The following BSG variants were observed in gnomAD, a reference collection of about 807,000 sequenced individuals.
The protein encoded by BSG is basigin.
BSG carries 37 observed loss-of-function variants against 43.1 expected under a neutral mutation model. That is an observed-to-expected ratio of 0.86 (90% CI 0.66 to 1.13). The LOEUF (loss-of-function observed/expected upper bound fraction) is 1.13. Ranked by LOEUF, BSG falls within the 50% of genes most tolerant of loss-of-function variation. The pLI, the probability that BSG is intolerant of heterozygous loss-of-function variation, is 0.00. For synonymous variants in BSG, 309 were observed against 238.7 expected (o/e 1.29, Z -2.72); for missense variants, 599 against 554.2 (o/e 1.08, Z -0.81).
At position 572,648 on chromosome 19, in the gene BSG, T is replaced by A. The variant is rs914485079; in HGVS notation, c.14T>A (p.Leu5Gln). 3 of 1,504,690 alleles carry A rather than the reference T, an allele frequency of 2.0e-6. No homozygotes were observed. In the Admixed American group the frequency reaches 6.6e-5, roughly 33 times the overall value. The allele number at this position is 1,504,690 out of a possible 1,614,324, so 93.2% of individuals were successfully genotyped here. Residue 5 changes from leucine (L) to glutamine (Q), a missense_variant, in exon 1 of 9, where the codon CTG becomes CAG. By Grantham distance (113) the Leu-to-Gln change is moderately radical. Transcript: ENST00000333511. Reference sequence around the variant, plus strand: ...GGAATAGGAATCATGGCGGCTGCGCTGTTCGTGCTGCTGGGATTCGCGCTG... The same window carrying A: ...GGAATAGGAATCATGGCGGCTGCGCAGTTCGTGCTGCTGGGATTCGCGCTG... MAAA[L>Q]FVLLGFALLG...
chr19:573,321 C>T (rs1396484358), intron 1 of BSG, among the ~76,000 whole-genome samples: 1 of 152,098 alleles, frequency 6.6e-6, no homozygotes, highest in African/African-American at 2.4e-5. Flanking sequence ...GGGTCAGAGA[C>T]CCTCCCCTGA....
intron 1 of BSG, among the ~76,000 whole-genome samples, chr19:577,061 C>T (rs185382187): frequency 2.3e-4 from 35 of 152,166 alleles, no homozygotes; most frequent in Non-Finnish European, 4.4e-4. Context: ...GCACTCCCCA[C>T]GCTTCCCCTT....
chr19:581,236 TCCCGGACTCAGCCC>T lies in BSG; in HGVS notation c.793-78_793-65del, dbSNP rs561243171. ...CTGGGTGAGGGGCCTAGACTGGGGG[TCCCGGACTCAGCCC>T]TCAGGACTGGGTGAGGGGCCTAGAC... On this transcript the variant is annotated intron_variant, in intron 5 of 8. Coordinates refer to ENST00000333511, the MANE Select transcript of BSG (RefSeq NM_001728.4). 47 of 1,334,900 alleles carry T rather than the reference TCCCGGACTCAGCCC, an allele frequency of 3.5e-5. 5 individuals are homozygous for T. In the African/African-American group the frequency reaches 8.6e-4, roughly 24 times the overall value. The allele number at this position is 1,334,900 out of a possible 1,614,324, so 82.7% of individuals were successfully genotyped here.
At position 577,901 on chromosome 19, in the gene BSG, C is replaced by T; in HGVS notation, c.195C>T (p.Asp65=). Residue 65 remains aspartate (D), a synonymous_variant, in exon 2 of 9, where the codon GAC becomes GAT. Transcript: ENST00000333511. ...GGTTTGAAGGGCAGGGTCCCAACGA[C>T]ACCTGCTCCCAGCTCTGGGACGGCG... ...QWWFEGQGPN[D]TCSQLWDGAR... The T allele has an allele frequency of 6.3e-7, 1 of 1,597,302 alleles. No individual in the cohort carries two copies. Among genetic ancestry groups the T allele is most frequent in the Non-Finnish European group, 8.6e-7 (1 of 1,169,134 alleles).
Position 574,484 on chromosome 19 carries a change from C to T in BSG, c.67+1783C>T, listed in dbSNP as rs554135380. ...AGGAGAATGGTGTGAACCAGGGAGGCGGAGCTTGCAGTGAGCCGAGATCGC... is the reference window on the plus strand; with the variant it reads ...AGGAGAATGGTGTGAACCAGGGAGGTGGAGCTTGCAGTGAGCCGAGATCGC... On this transcript the variant is annotated intron_variant, in intron 1 of 8. Transcript: ENST00000333511. Among the ~76,000 whole-genome samples the T allele has an allele frequency of 1.1e-4, 17 of 150,902 alleles. No individual in the cohort carries two copies. In the East Asian group the frequency reaches 3.3e-3, roughly 30 times the overall value.
chr19:575,991 A>G (rs1331485551), intron 1 of BSG, among the ~76,000 whole-genome samples: 2 of 152,124 alleles, frequency 1.3e-5, no homozygotes. Flanking sequence ...CAGCATCATC[A>G]GCATCCGGAG....
Position 581,350 on chromosome 19 carries a change from G to T in BSG, c.828G>T (p.Val276=). 1 of 1,612,762 alleles carries T rather than the reference G, an allele frequency of 6.2e-7. No individual in the cohort carries two copies. The highest frequency in any genetic ancestry group is 8.5e-7 in the Non-Finnish European group (1 of 1,179,872). ...LMNGSESRFF[V]SSSQGRSELH... is the part of the protein sequence containing the mutation. Reference sequence around the variant, plus strand: ...ACGGCTCCGAGAGCAGGTTCTTCGTGAGTTCCTCGCAGGGCCGGTCAGAGC... The same window carrying T: ...ACGGCTCCGAGAGCAGGTTCTTCGTTAGTTCCTCGCAGGGCCGGTCAGAGC... Residue 276 remains valine, a synonymous_variant, in exon 6 of 9, where the codon GTG becomes GTT. Coordinates refer to ENST00000333511, the MANE Select transcript of BSG (RefSeq NM_001728.4).
intron 5 of BSG, among the ~76,000 whole-genome samples, 172 bp from the exon 6 acceptor site, chr19:581,143 G>A (rs1205314346): frequency 9.7e-6 from 1 of 103,298 alleles, no homozygotes; most frequent in Non-Finnish European, 1.9e-5. Context: ...TAGACTGGGG[G>A]TCCCGGACCC....
chr19:580,302 G>C (rs1982168841), intron 3 of BSG, 77 bp from the exon 4 acceptor site: 4 of 1,356,388 alleles, frequency 2.9e-6, no homozygotes, highest in Non-Finnish European at 4.1e-6. Context: ...GCCGTGGTTG[G>C]GCCCCTGGAG....
At chr19:578,421 G>A (rs1981977903) in intron 2 of BSG, among the ~76,000 whole-genome samples, 1 of 152,368 alleles carries the variant, frequency 6.6e-6, no homozygotes, top group East Asian at 1.9e-4. Flanking sequence ...CCGGGCGCCT[G>A]CCCGGCTCCC....
At chr19:572,915 G>T (rs1311876896) in intron 1 of BSG, among the ~76,000 whole-genome samples, 1 of 152,152 alleles carries the variant, frequency 6.6e-6, no homozygotes, top group Non-Finnish European at 1.5e-5. Context: ...GGCGCGGCCT[G>T]CCGGGCTCCC....
chr19:579,392 A>C (rs748292781), intron 2 of BSG, 108 bp from the exon 3 acceptor site: 2 of 1,484,786 alleles, frequency 1.3e-6, no homozygotes, highest in Non-Finnish European at 1.9e-6. Context: ...TATTTTTGGG[A>C]TGAAAACCAG....
In BSG at chr19:580,634, C is replaced by T. The variant is rs748163382; in HGVS notation, c.656-12C>T. 2 of 1,612,686 alleles carry T rather than the reference C, an allele frequency of 1.2e-6. No individual in the cohort carries two copies. The highest frequency in any genetic ancestry group is 2.2e-5 in the South Asian group (2 of 91,088). On this transcript the variant is annotated splice_polypyrimidine_tract_variant and intron_variant, in intron 4 of 8. Coordinates refer to ENST00000333511, the MANE Select transcript of BSG (RefSeq NM_001728.4). ...TGCGGTTCCAGGCTCCTCTCTCTCA[C>T]CCTCCTGTCAGGGCCTCCCAGAGTG...
chr19:573,441 G>T (rs1468720559), intron 1 of BSG, among the ~76,000 whole-genome samples: 1 of 152,178 alleles, frequency 6.6e-6, no homozygotes, highest in Non-Finnish European at 1.5e-5. Flanking sequence ...GCTCTGAGTG[G>T]GTCAGCCCTC....
intron 1 of BSG, among the ~76,000 whole-genome samples, chr19:576,720 C>T (rs775140807): frequency 2.0e-5 from 3 of 150,934 alleles, no homozygotes; most frequent in Admixed American, 6.6e-5. Context: ...GAGATTACAC[C>T]ACTGCTGAAC....
At chr19:575,894 G>A (rs1981727522) in intron 1 of BSG, among the ~76,000 whole-genome samples, 1 of 152,094 alleles carries the variant, frequency 6.6e-6, no homozygotes, top group East Asian at 1.9e-4. Context: ...GGGTGGGGGC[G>A]CTCTGCATTG....
At chr19:582,477 C>T (rs372538768) in intron 7 of BSG, 37 bp from the exon 8 acceptor site, 39 of 1,602,938 alleles carry the variant, frequency 2.4e-5, no homozygotes, top group Admixed American at 2.0e-4. Context: ...GAGTGACTTG[C>T]GGGGGACACC....
intron 5 of BSG, 23 bp from the exon 6 acceptor site, chr19:581,292 A>G (rs1982291620): frequency 6.2e-7 from 1 of 1,600,618 alleles, no homozygotes; most frequent in Non-Finnish European, 8.5e-7. Context: ...TCCTGGACTC[A>G]GCCCTTGCCT....
chr19:573,509 G>C (rs937022324), intron 1 of BSG, among the ~76,000 whole-genome samples: 1 of 152,190 alleles, frequency 6.6e-6, no homozygotes, highest in Non-Finnish European at 1.5e-5. Flanking sequence ...CTTGCCTAGG[G>C]CGTGCACCTG....
Sources: gnomAD v4.1 joint callset for allele counts (sites outside exome capture counted in the v4.1 genomes callset) on GRCh38, gnomAD v4.1.1 for gene constraint, MANE v1.5 for transcripts, NCBI Gene and HGNC (gene_info 2026-07-23, HGNC 2026-07-21) for gene names.